CNTNAP5: variants seen among roughly 807,000 people sequenced by gnomAD.
The protein encoded by CNTNAP5 is contactin-associated protein-like 5.
In CNTNAP5, 72 loss-of-function variants were observed where a neutral mutation model predicts 150.2. The observed-to-expected ratio is 0.48, with a 90% confidence interval of 0.40 to 0.58. The LOEUF is 0.58. Among genes scored for constraint, CNTNAP5 ranks in the 20% least tolerant of loss-of-function variants. CNTNAP5 has a pLI of 0.00. For synonymous variants in CNTNAP5, 672 were observed against 619.8 expected, an observed-to-expected ratio of 1.08 and a Z score of -1.25; for missense variants, 1,636 against 1,626.2, an observed-to-expected ratio of 1.01 and a Z score of -0.10.
intron 6 of CNTNAP5, among the ~76,000 whole-genome samples, chr2:124,463,888 T>G (rs1466671373): frequency 6.6e-6 from 1 of 152,050 alleles, no homozygotes; most frequent in Non-Finnish European, 1.5e-5. Flanking sequence ...CTCTTTACCT[T>G]GTGGCTCCAA....
At position 124,449,818 on chromosome 2, in the gene CNTNAP5, G is replaced by T. The variant is rs545835277; in HGVS notation, c.918+2881G>T. Among the ~76,000 whole-genome samples the T allele has an allele frequency of 4.0e-4, 61 of 152,260 alleles. No homozygotes were observed. In the Middle Eastern group the frequency reaches 0.014, roughly 34 times the overall value. ...GTAATAGCGGCGTTTGACATTAGCT[G>T]TACTGGAAGACAAGAGTTACGTGTC... On this transcript the variant is annotated intron_variant, in intron 6 of 23. Transcript: ENST00000682447.
intron 12 of CNTNAP5, among the ~76,000 whole-genome samples, chr2:124,638,523 T>G (rs556207696): frequency 6.6e-6 from 1 of 152,334 alleles, no homozygotes; most frequent in South Asian, 2.1e-4. Flanking sequence ...TTTTAGTTTC[T>G]GATTAATATT....
chr2:124,414,640 G>T (rs1430692902), intron 3 of CNTNAP5, among the ~76,000 whole-genome samples: 1 of 152,062 alleles, frequency 6.6e-6, no homozygotes, highest in Non-Finnish European at 1.5e-5. Context: ...ATAAAGCATT[G>T]CCAGGTCATG....
intron 11 of CNTNAP5, among the ~76,000 whole-genome samples, chr2:124,576,222 C>T (rs1043175348): frequency 4.6e-5 from 7 of 151,916 alleles, no homozygotes; most frequent in African/African-American, 9.7e-5. Flanking sequence ...ATTGTCATAG[C>T]GGGACATGCA....
At chr2:124,498,412 T>A (rs945828342) in intron 7 of CNTNAP5, among the ~76,000 whole-genome samples, 1 of 152,166 alleles carries the variant, frequency 6.6e-6, no homozygotes, top group Non-Finnish European at 1.5e-5. Flanking sequence ...GGGGAAAGCA[T>A]AATCAGTCAA....
intron 16 of CNTNAP5, among the ~76,000 whole-genome samples, chr2:124,769,304 A>T (rs1184211424): frequency 6.6e-6 from 1 of 151,968 alleles, no homozygotes; most frequent in Non-Finnish European, 1.5e-5. Flanking sequence ...TTTTTTTATC[A>T]GTCTTCTCAA....
At chr2:124,709,322 A>T (rs140396851) in intron 13 of CNTNAP5, among the ~76,000 whole-genome samples, 2 of 152,204 alleles carry the variant, frequency 1.3e-5, no homozygotes, top group African/African-American at 4.8e-5. Context: ...ATAAATGAAG[A>T]CATTATTTCT....
chr2:124,847,622 G>A (rs1343469500), intron 19 of CNTNAP5, among the ~76,000 whole-genome samples: 1 of 152,098 alleles, frequency 6.6e-6, no homozygotes, highest in African/African-American at 2.4e-5. Context: ...TCCTTCAAAG[G>A]GTCTGTGGGT....
At chr2:124,301,686 G>A (rs183392562) in intron 3 of CNTNAP5, among the ~76,000 whole-genome samples, 1 of 152,134 alleles carries the variant, frequency 6.6e-6, no homozygotes, top group African/African-American at 2.4e-5. Context: ...CCAGATCTTG[G>A]CACTGTATCA....
intron 21 of CNTNAP5, among the ~76,000 whole-genome samples, chr2:124,884,433 T>C (rs555832487): frequency 6.6e-6 from 1 of 152,074 alleles, no homozygotes; most frequent in Non-Finnish European, 1.5e-5. Flanking sequence ...ATTTGCTTTT[T>C]CTCTGTTATA....
intron 13 of CNTNAP5, among the ~76,000 whole-genome samples, chr2:124,741,625 C>A (rs114408357): frequency 1.8e-3 from 268 of 152,254 alleles, no homozygotes; most frequent in African/African-American, 6.1e-3. Flanking sequence ...CATTTCTCTG[C>A]ATATAATATA....
At chr2:124,218,187 A>G (rs1026987096) in intron 1 of CNTNAP5, among the ~76,000 whole-genome samples, 29 of 152,244 alleles carry the variant, frequency 1.9e-4, no homozygotes, top group Non-Finnish European at 2.8e-4. Flanking sequence ...CAATTTTTTG[A>G]ATTTTTGCAA....
At chr2:124,104,433 T>C (rs944101902) in intron 1 of CNTNAP5, among the ~76,000 whole-genome samples, 5 of 152,194 alleles carry the variant, frequency 3.3e-5, no homozygotes, top group Admixed American at 6.6e-5. Context: ...ACCAATTAGA[T>C]AGATAGAGCA....
At chr2:124,037,854 T>A (rs1414045572) in intron 1 of CNTNAP5, among the ~76,000 whole-genome samples, 1 of 152,238 alleles carries the variant, frequency 6.6e-6, no homozygotes, top group African/African-American at 2.4e-5. Context: ...TCACACTGTA[T>A]ACATATATCA....
intron 19 of CNTNAP5, among the ~76,000 whole-genome samples, chr2:124,806,172 G>T (rs1314792916): frequency 6.6e-6 from 1 of 152,160 alleles, no homozygotes; most frequent in Non-Finnish European, 1.5e-5. Context: ...ACGTCAGTGT[G>T]AGGCAGAGTA....
chr2:124,127,096 A>G (rs1268857617), intron 1 of CNTNAP5, among the ~76,000 whole-genome samples: 2 of 152,192 alleles, frequency 1.3e-5, no homozygotes, highest in Non-Finnish European at 2.9e-5. Context: ...AGGGTTTTCA[A>G]CTAGGAAAAG....
At chr2:124,478,328 A>G (rs1213756483) in intron 7 of CNTNAP5, among the ~76,000 whole-genome samples, 1 of 152,168 alleles carries the variant, frequency 6.6e-6, no homozygotes, top group African/African-American at 2.4e-5. Flanking sequence ...AGTATTGTTA[A>G]TATGAGGCAT....
chr2:124,865,174 T>C lies in CNTNAP5; in HGVS notation c.3218-132T>C, dbSNP rs889000764. ...GGGACCCTGATAAATATACGTGATA[T>C]ATTTTTAAAAATTGAATAATGGAAG... On this transcript the variant is annotated intron_variant, in intron 19 of 23. Coordinates refer to ENST00000682447, the MANE Select transcript of CNTNAP5 (RefSeq NM_001367498.1). 5.6e-6 allele frequency: 4 copies of C among 712,584 alleles called. No individual in the cohort carries two copies. In the African/African-American group the frequency reaches 7.2e-5, roughly 13 times the overall value. The allele number at this position is 712,584 out of a possible 1,614,324, so 44.1% of individuals were successfully genotyped here.
At chr2:124,464,244 G>A (rs1432411208) in intron 6 of CNTNAP5, among the ~76,000 whole-genome samples, 1 of 152,020 alleles carries the variant, frequency 6.6e-6, no homozygotes, top group African/African-American at 2.4e-5. Context: ...GGGAGCGCAG[G>A]CACTTTCTAA....
Sources: gnomAD v4.1 joint callset for allele counts (sites outside exome capture counted in the v4.1 genomes callset) on GRCh38, gnomAD v4.1.1 for gene constraint, MANE v1.5 for transcripts, NCBI Gene and HGNC (gene_info 2026-07-23, HGNC 2026-07-21) for gene names.